The following PPP2R5C variants were observed in gnomAD, a reference collection of about 807,000 sequenced individuals.
PPP2R5C encodes the protein protein phosphatase 2 regulatory subunit B'gamma.
PPP2R5C carries 7 observed loss-of-function variants against 68.9 expected under a neutral mutation model. The observed-to-expected ratio is 0.10, with a 90% CI of 0.06 to 0.19. PPP2R5C has a LOEUF of 0.19. PPP2R5C is among the 10% of genes least tolerant of loss of function. The pLI is 1.00. For missense variants in PPP2R5C, 348 were observed against 641.3 expected (o/e 0.54, Z 4.94); for synonymous variants, 210 against 222.2 (o/e 0.95, Z 0.49).
At position 101,882,923 on chromosome 14, in the gene PPP2R5C, T is replaced by C; in HGVS notation, c.406-334T>C. 1 of 224,500 alleles carries C rather than the reference T, an allele frequency of 4.5e-6. No homozygotes were observed. Among genetic ancestry groups the C allele is most frequent in the East Asian group, 1.4e-4 (1 of 7,358 alleles). The allele number at this position is 224,500 out of a possible 1,614,324, so 13.9% of individuals were successfully genotyped here. On this transcript the variant is annotated intron_variant, in intron 3 of 13. Coordinates refer to ENST00000334743, the Ensembl canonical transcript of PPP2R5C. This position sits in a 1 kb window ranked among gnomAD's most constrained non-coding sequence, Gnocchi z 4.9. ...TGTGGGACACTCCTAGGCGACAGGC[T>C]GCAAATCCCCCCTGCAGAGTTGGGT...
At chr14:101,785,167 T>C (rs1188489604) in intron 2 of PPP2R5C, among the ~76,000 whole-genome samples, 1 of 152,030 alleles carries the variant, frequency 6.6e-6, no homozygotes. Flanking sequence ...TTCCTGGGGC[T>C]CAAGGGGAGG....
At chr14:101,881,301 G>A (rs1364754749) in intron 2 of PPP2R5C, among the ~76,000 whole-genome samples, 1 of 152,120 alleles carries the variant, frequency 6.6e-6, no homozygotes, top group Non-Finnish European at 1.5e-5. Flanking sequence ...TCGGGAGGCT[G>A]AGGCACAAGA....
intron 1 of PPP2R5C, among the ~76,000 whole-genome samples, chr14:101,833,950 C>T (rs1405567244): frequency 2.0e-5 from 3 of 152,080 alleles, no homozygotes; most frequent in Non-Finnish European, 2.9e-5. Flanking sequence ...TACAGGCACC[C>T]GCCACCTGCC....
rs1303462818 is a variant in PPP2R5C at position 101,835,487 on chromosome 14, G to A, written c.95-21199G>A. The stretch of plus-strand genomic sequence containing the variant: ...AGTTAAGGTAGTGTCCCAGACGTTT[G>A]TTCAGAGGGCTCCTTCCCACTTGTC... On this transcript the variant is annotated intron_variant, in intron 1 of 13. Coordinates refer to ENST00000334743, the Ensembl canonical transcript of PPP2R5C. The surrounding 1 kb of genome is among the most constrained non-coding windows in gnomAD (Gnocchi z 5.0). Among the ~76,000 whole-genome samples the A allele has an allele frequency of 1.3e-5, 2 of 152,220 alleles. No individual in the cohort carries two copies. The highest frequency in any genetic ancestry group is 2.4e-5 in the African/African-American group (1 of 41,464).
chr14:101,884,251 C>T (rs1324815187), intron 5 of PPP2R5C, among the ~76,000 whole-genome samples: 5 of 152,206 alleles, frequency 3.3e-5, no homozygotes, highest in African/African-American at 9.7e-5. Flanking sequence ...ATTCTGGCCG[C>T]ACCGGCAGCT....
intron 2 of PPP2R5C, among the ~76,000 whole-genome samples, chr14:101,775,089 T>C (rs1382980103): frequency 6.6e-6 from 1 of 152,206 alleles, no homozygotes; most frequent in Non-Finnish European, 1.5e-5. Context: ...AAGCTGCTAG[T>C]ATTGGTCCCT....
At chr14:101,905,682 G>A (rs142709609) in intron 9 of PPP2R5C, among the ~76,000 whole-genome samples, 128 of 151,646 alleles carry the variant, frequency 8.4e-4, no homozygotes, top group Non-Finnish European at 1.2e-3. Context: ...AAAGAAAAAT[G>A]GGGGAACCAC....
At chr14:101,912,057 C>T (rs2046422867) in intron 11 of PPP2R5C, among the ~76,000 whole-genome samples, 1 of 152,080 alleles carries the variant, frequency 6.6e-6, no homozygotes, top group Non-Finnish European at 1.5e-5. Context: ...GTACTGCATA[C>T]TCGTTTTTTC....
chr14:101,786,818 G>A (rs1428792323), intron 3 of PPP2R5C, among the ~76,000 whole-genome samples: 1 of 152,162 alleles, frequency 6.6e-6, no homozygotes, highest in African/African-American at 2.4e-5. Flanking sequence ...AAGGAAAACA[G>A]AGTAAGGACC....
intron 1 of PPP2R5C, among the ~76,000 whole-genome samples, chr14:101,851,981 C>T (rs985667205): frequency 6.6e-6 from 1 of 152,174 alleles, no homozygotes; most frequent in African/African-American, 2.4e-5. Flanking sequence ...CTAGCAACAT[C>T]GGTGAAGTTG....
intron 1 of PPP2R5C, chr14:101,819,352 G>A: frequency 2.6e-6 from 1 of 380,206 alleles, no homozygotes; most frequent in Non-Finnish European, 4.8e-6. Context: ...TGCCTCATAA[G>A]ATTACCAAGA....
intron 2 of PPP2R5C, among the ~76,000 whole-genome samples, chr14:101,865,330 G>T (rs1429678738): frequency 1.3e-5 from 2 of 152,210 alleles, no homozygotes; most frequent in Non-Finnish European, 2.9e-5. Flanking sequence ...CTCTCTGTAT[G>T]CAGCCTTCCT....
intron 1 of PPP2R5C, among the ~76,000 whole-genome samples, chr14:101,821,813 G>A (rs979691751): frequency 6.6e-6 from 1 of 152,054 alleles, no homozygotes; most frequent in East Asian, 1.9e-4. Flanking sequence ...CTCGGCCCCC[G>A]CAGCCTGTGC....
At chr14:101,828,560 T>A (rs566387931) in intron 1 of PPP2R5C, among the ~76,000 whole-genome samples, 2 of 152,298 alleles carry the variant, frequency 1.3e-5, no homozygotes, top group East Asian at 3.9e-4. Context: ...AGAACATACC[T>A]ATTATTAATT....
intron 1 of PPP2R5C, chr14:101,833,481 G>T (rs2040879695): frequency 2.0e-5 from 3 of 152,206 alleles, no homozygotes; most frequent in African/African-American, 7.2e-5. Flanking sequence ...TAATTATATG[G>T]TTTGATCATT....
intron 1 of PPP2R5C, among the ~76,000 whole-genome samples, chr14:101,828,280 G>A (rs1420961204): frequency 6.6e-6 from 1 of 152,152 alleles, no homozygotes; most frequent in Admixed American, 6.5e-5. Flanking sequence ...GGGATGGGGA[G>A]TTCTTCTAGG....
intron 2 of PPP2R5C, among the ~76,000 whole-genome samples, chr14:101,867,384 G>A (rs1016978185): frequency 2.6e-5 from 4 of 151,994 alleles, no homozygotes; most frequent in African/African-American, 4.8e-5. Context: ...ACTCCTACCT[G>A]GGCAACAGAG....
At chr14:101,776,032 C>G (rs1162719796) in intron 2 of PPP2R5C, among the ~76,000 whole-genome samples, 1 of 147,636 alleles carries the variant, frequency 6.8e-6, no homozygotes, top group African/African-American at 2.5e-5. Context: ...GCCCCCCCCC[C>G]ACTCCACCCC....
intron 1 of PPP2R5C, among the ~76,000 whole-genome samples, chr14:101,853,605 AT>A (rs2140535445): frequency 6.6e-6 from 1 of 152,302 alleles, no homozygotes; most frequent in Admixed American, 6.5e-5. Flanking sequence ...TGTAAGAGTG[AT>A]TTAACTCCAC....
Sources: allele counts gnomAD v4.1 joint callset (sites outside exome capture counted in the v4.1 genomes callset), GRCh38; gene constraint gnomAD v4.1.1; non-coding constraint Gnocchi (gnomAD v3.1); transcripts MANE v1.5; gene names NCBI Gene and HGNC (gene_info 2026-07-23, HGNC 2026-07-21).